Variants in GRID2 observed in about 807,000 individuals in gnomAD.
GRID2 encodes glutamate receptor ionotropic, delta-2.
A neutral mutation model predicts 114.8 loss-of-function variants in GRID2; 33 were observed. The ratio of observed to expected loss-of-function variants is 0.29; its 90% CI spans 0.22 to 0.38. The LOEUF (loss-of-function observed/expected upper bound fraction) is 0.38. Among genes scored for constraint, GRID2 ranks in the 10% least tolerant of loss-of-function variants. The pLI is 1.00. For missense variants in GRID2, 1,184 were observed against 1,257.7 expected (o/e 0.94, Z 0.89); for synonymous variants, 505 against 449.9 (o/e 1.12, Z -1.55).
At chr4:93,553,361 T>A (rs1222451097) in intron 13 of GRID2, among the ~76,000 whole-genome samples, 1 of 152,214 alleles carries the variant, frequency 6.6e-6, no homozygotes, top group Non-Finnish European at 1.5e-5. Flanking sequence ...GGTTTTGATT[T>A]GGATTAACTG....
intron 10 of GRID2, among the ~76,000 whole-genome samples, chr4:93,435,380 A>G (rs1322227565): frequency 1.3e-5 from 2 of 152,172 alleles, no homozygotes; most frequent in Non-Finnish European, 2.9e-5. Context: ...TTGTTGAAAG[A>G]CTACACTTTG....
intron 2 of GRID2, among the ~76,000 whole-genome samples, chr4:92,611,018 CTGTGTG>C (rs34268472): frequency 1.4e-4 from 21 of 146,592 alleles, no homozygotes; most frequent in East Asian, 6.1e-4. Context: ...ATTGAATAGT[CTGTGTG>C]TGTGTGTGTG....
intron 1 of GRID2, among the ~76,000 whole-genome samples, chr4:92,438,133 A>G (rs945062291): frequency 3.3e-5 from 5 of 152,200 alleles, no homozygotes; most frequent in African/African-American, 7.2e-5. Context: ...TTATACGTAC[A>G]TATGCCAGAA....
intron 2 of GRID2, among the ~76,000 whole-genome samples, chr4:92,839,388 A>G (rs1334732296): frequency 6.6e-6 from 1 of 150,584 alleles, no homozygotes; most frequent in Non-Finnish European, 1.5e-5. Flanking sequence ...ATTTGGCATT[A>G]GGTATATCTC....
At chr4:93,257,978 G>GTATATA (rs72080884) in intron 8 of GRID2, among the ~76,000 whole-genome samples, 3 of 139,086 alleles carry the variant, frequency 2.2e-5, no homozygotes, top group South Asian at 2.2e-4. Flanking sequence ...ATATGTGTGT[G>GTATATA]TATATATATA....
At chr4:93,655,556 G>C (rs1158404769) in intron 14 of GRID2, among the ~76,000 whole-genome samples, 1 of 152,026 alleles carries the variant, frequency 6.6e-6, no homozygotes, top group Non-Finnish European at 1.5e-5. Context: ...CCGAAAGATA[G>C]GTCATCTACT....
At chr4:92,804,900 G>C (rs1049902331) in intron 2 of GRID2, among the ~76,000 whole-genome samples, 1 of 151,962 alleles carries the variant, frequency 6.6e-6, no homozygotes, top group African/African-American at 2.4e-5. Flanking sequence ...TAGCATTTAA[G>C]ATGAAAAATT....
intron 2 of GRID2, among the ~76,000 whole-genome samples, chr4:92,645,973 A>C (rs1425184738): frequency 6.6e-6 from 1 of 151,744 alleles, no homozygotes; most frequent in African/African-American, 2.4e-5. Context: ...TTGCAGTCAA[A>C]TGTCCTAGGA....
chr4:92,737,853 G>T (rs1304155459), intron 2 of GRID2, among the ~76,000 whole-genome samples: 1 of 151,952 alleles, frequency 6.6e-6, no homozygotes, highest in Non-Finnish European at 1.5e-5. Flanking sequence ...TAATACTATA[G>T]AAATCTATTC....
intron 2 of GRID2, among the ~76,000 whole-genome samples, chr4:93,068,559 C>T (rs1193415395): frequency 6.6e-6 from 1 of 151,980 alleles, no homozygotes; most frequent in African/African-American, 2.4e-5. Context: ...ATCAATTATA[C>T]AAGATTACTG....
At chr4:92,825,463 G>C (rs941691842) in intron 2 of GRID2, among the ~76,000 whole-genome samples, 2 of 152,114 alleles carry the variant, frequency 1.3e-5, no homozygotes, top group Non-Finnish European at 2.9e-5. Context: ...TCATGACAGC[G>C]AAGTGAGTCT....
At chr4:92,590,599 A>C (rs1346467053) in intron 2 of GRID2, among the ~76,000 whole-genome samples, 3 of 152,178 alleles carry the variant, frequency 2.0e-5, no homozygotes, top group Non-Finnish European at 4.4e-5. Flanking sequence ...TTTCTAACAG[A>C]AAGTTTACTT....
chr4:93,285,908 T>C (rs1753107159), intron 8 of GRID2, among the ~76,000 whole-genome samples: 1 of 152,156 alleles, frequency 6.6e-6, no homozygotes, highest in South Asian at 2.1e-4. Context: ...AAAGACATCT[T>C]TCAAAATCCT....
chr4:93,716,229 C>A (rs1728888158), intron 14 of GRID2, among the ~76,000 whole-genome samples: 1 of 152,100 alleles, frequency 6.6e-6, no homozygotes, highest in African/African-American at 2.4e-5. Flanking sequence ...TACATATGCA[C>A]ATACACACAT....
At chr4:93,133,891 T>A (rs1560914322) in intron 4 of GRID2, among the ~76,000 whole-genome samples, 1 of 152,186 alleles carries the variant, frequency 6.6e-6, no homozygotes, top group Non-Finnish European at 1.5e-5. Flanking sequence ...AAGCTGTTGT[T>A]CAAAGTAAAG....
At chr4:92,568,010 G>A (rs933395484) in intron 1 of GRID2, among the ~76,000 whole-genome samples, 3 of 151,964 alleles carry the variant, frequency 2.0e-5, no homozygotes, top group African/African-American at 4.8e-5. Context: ...AAATAAAGCA[G>A]GGATGGCAGA....
At chr4:93,122,449 T>C (rs928345187) in intron 4 of GRID2, among the ~76,000 whole-genome samples, 1 of 152,170 alleles carries the variant, frequency 6.6e-6, no homozygotes, top group East Asian at 1.9e-4. Context: ...CTATGACCTA[T>C]ATATTATTTT....
Position 93,714,596 on chromosome 4 carries a change from T to A in GRID2, c.2361-54614T>A, listed in dbSNP as rs1728751620. Among the ~76,000 whole-genome samples the A allele has an allele frequency of 1.3e-5, 2 of 152,164 alleles. 1 individual carries two copies. Among genetic ancestry groups the A allele is most frequent in the Non-Finnish European group, 2.9e-5 (2 of 68,016 alleles). On this transcript the variant is annotated intron_variant, in intron 14 of 15. Transcript: ENST00000282020. ...TCCACAACCTCACCAGCATCTGTTG[T>A]TTTTTGACTTTTTAATAATAGCCAT...
At chr4:93,017,211 A>G (rs997423415) in intron 2 of GRID2, among the ~76,000 whole-genome samples, 6 of 152,192 alleles carry the variant, frequency 3.9e-5, no homozygotes, top group African/African-American at 1.4e-4. Context: ...TATACAAATT[A>G]CTCAATAGCA....
Sources: gnomAD v4.1 joint callset for allele counts (sites outside exome capture counted in the v4.1 genomes callset) on GRCh38, gnomAD v4.1.1 for gene constraint, MANE v1.5 for transcripts, NCBI Gene and HGNC (gene_info 2026-07-23, HGNC 2026-07-21) for gene names.